The following KIRREL3 variants were observed in gnomAD, a reference collection of about 807,000 sequenced individuals.
KIRREL3 encodes the protein kin of IRRE-like protein 3.
In KIRREL3, 36 loss-of-function variants were observed where a neutral mutation model predicts 89.7. That is an observed-to-expected ratio of 0.40 (90% CI 0.31 to 0.53). KIRREL3 has a LOEUF of 0.53. Ranked by LOEUF, KIRREL3 falls within the 20% of genes least tolerant of loss-of-function variation. The pLI is 0.49. For synonymous variants in KIRREL3, 445 were observed against 441.4 expected (o/e 1.01, Z -0.10); for missense variants, 864 against 1,056.6 (o/e 0.82, Z 2.53).
chr11:126,550,975 C>G lies in KIRREL3; in HGVS notation c.133+11860G>C, dbSNP rs368554466. ...TCACAAGTTCAGGCTTCCAGAACTT[C>G]TGGCAGACCCGCTGCAAGTTGGGGG... On this transcript the variant is annotated intron_variant, in intron 2 of 16. Coordinates refer to ENST00000525144, the MANE Select transcript of KIRREL3 (RefSeq NM_032531.4). The surrounding 1 kb of genome is among the most constrained non-coding windows in gnomAD (Gnocchi z 4.9). Among the ~76,000 whole-genome samples the G allele has an allele frequency of 5.9e-5, 9 of 152,344 alleles. No homozygotes were observed. The East Asian group carries it at 9.6e-4, about 16-fold the overall frequency.
intron 1 of KIRREL3, among the ~76,000 whole-genome samples, chr11:126,688,670 C>T (rs564604485): frequency 6.6e-6 from 1 of 152,170 alleles, no homozygotes; most frequent in African/African-American, 2.4e-5. Context: ...GGAATTGTTA[C>T]TTGCTTGGAA....
chr11:126,970,379 A>T lies in KIRREL3; in HGVS notation c.55+30076T>A, dbSNP rs899562810. ...CTGCTCTTTATTAAACACTACATTA[A>T]ACACAAATAGGTAGGCATAAGGTTA... is the stretch of plus-strand genomic sequence containing the variant. On this transcript the variant is annotated intron_variant, in intron 1 of 16. Coordinates refer to ENST00000525144, the MANE Select transcript of KIRREL3 (RefSeq NM_032531.4). The surrounding 1 kb of genome is among the most constrained non-coding windows in gnomAD (Gnocchi z 4.4). Among the ~76,000 whole-genome samples, 2 of 152,138 alleles carry T rather than the reference A, an allele frequency of 1.3e-5. No homozygotes were observed. The highest frequency in any genetic ancestry group is 4.8e-5 in the African/African-American group (2 of 41,418).
chr11:126,826,934 T>C (rs11220628), intron 1 of KIRREL3, among the ~76,000 whole-genome samples: 131,427 of 152,210 alleles, frequency 0.86, 57,092 homozygotes, highest in East Asian at 1. Context: ...TGCTGCAGTG[T>C]TGAAAATGAG....
chr11:126,553,307 G>A lies in KIRREL3; in HGVS notation c.133+9528C>T, dbSNP rs1332328753. Among the ~76,000 whole-genome samples, 2 of 151,960 alleles carry A rather than the reference G, an allele frequency of 1.3e-5. No homozygotes were observed. Among genetic ancestry groups the A allele is most frequent in the African/African-American group, 2.4e-5 (1 of 41,322 alleles). ...ACTCTGAGCACTTCTATCTTCTACT[G>A]AGTAAGGAAAGCCCACTCCAGAGTC... On this transcript the variant is annotated intron_variant, in intron 2 of 16. Transcript: ENST00000525144. This position sits in a 1 kb window ranked among gnomAD's most constrained non-coding sequence, Gnocchi z 4.7.
chr11:126,669,810 G>C lies in KIRREL3; in HGVS notation c.56-106898C>G, dbSNP rs984501218. ...GTCTTGACCTATCCCTTGGGCTAAA[G>C]ATTTGTAGAGTCAACTGTCTTCCTA... On this transcript the variant is annotated intron_variant, in intron 1 of 16. Transcript: ENST00000525144. The surrounding 1 kb of genome is among the most constrained non-coding windows in gnomAD (Gnocchi z 5.0). 2.0e-5 allele frequency among the ~76,000 whole-genome samples: 3 copies of C among 152,170 alleles called. No individual in the cohort carries two copies. Among genetic ancestry groups the C allele is most frequent in the African/African-American group, 7.2e-5 (3 of 41,432 alleles).
At chr11:126,644,253 C>T (rs1944578971) in intron 1 of KIRREL3, among the ~76,000 whole-genome samples, 1 of 152,094 alleles carries the variant, frequency 6.6e-6, no homozygotes, top group South Asian at 2.1e-4. Flanking sequence ...CTGAGTGTTA[C>T]TAATAGTAGA....
Position 126,526,471 on chromosome 11 carries a change from G to T in KIRREL3, c.283+67C>A. The stretch of plus-strand genomic sequence containing the variant: ...ACCTGTGAAGATGGGTGCTCCCTAG[G>T]AAGGTGGATGGGTGAGTAAGGAAGT... On this transcript the variant is annotated intron_variant, in intron 3 of 16. Coordinates refer to ENST00000525144, the MANE Select transcript of KIRREL3 (RefSeq NM_032531.4). The surrounding 1 kb of genome is among the most constrained non-coding windows in gnomAD (Gnocchi z 5.7). 6.7e-7 allele frequency: 1 copy of T among 1,490,160 alleles called. No homozygotes were observed. The highest frequency in any genetic ancestry group is 1.2e-5 in the South Asian group (1 of 81,494). 92.3% of individuals were successfully genotyped at this position (1,490,160 alleles called of 1,614,324 possible).
chr11:126,456,987 G>A (rs918359057), intron 6 of KIRREL3, among the ~76,000 whole-genome samples: 7 of 152,156 alleles, frequency 4.6e-5, no homozygotes, highest in African/African-American at 1.7e-4. Context: ...GCCGGGGCTC[G>A]CTTCCTCATT....
At chr11:126,910,649 C>A (rs542210653) in intron 1 of KIRREL3, among the ~76,000 whole-genome samples, 1 of 152,324 alleles carries the variant, frequency 6.6e-6, no homozygotes, top group Non-Finnish European at 1.5e-5. Flanking sequence ...GGAAATCGGG[C>A]AAGTTTCTCC....
intron 11 of KIRREL3, among the ~76,000 whole-genome samples, chr11:126,439,416 G>A (rs1410436213): frequency 6.6e-6 from 1 of 151,702 alleles, no homozygotes; most frequent in Admixed American, 6.6e-5. Context: ...ATGTTGCCCA[G>A]GCTGGTCTCA....
chr11:126,972,168 TAGAGAGAGAGAGAG>T (rs61426707), intron 1 of KIRREL3, among the ~76,000 whole-genome samples: 9 of 119,842 alleles, frequency 7.5e-5, no homozygotes, highest in African/African-American at 2.6e-4. Context: ...GAGGGTCTGG[TAGAGAGAGAGAGAG>T]AGAGAGAGAG....
rs1262794492 is a variant in KIRREL3, at chr11:126,687,511, T to C, written c.56-124599A>G. On this transcript the variant is annotated intron_variant, in intron 1 of 16. Coordinates refer to ENST00000525144, the MANE Select transcript of KIRREL3 (RefSeq NM_032531.4). This position sits in a 1 kb window ranked among gnomAD's most constrained non-coding sequence, Gnocchi z 4.6. ...CTAGATATTCCCATGGAGCTGCTAG[T>C]TCTGGAAACACTATGGGGGAAATTG... 1.3e-5 allele frequency among the ~76,000 whole-genome samples: 2 copies of C among 152,172 alleles called. No individual in the cohort carries two copies. Among genetic ancestry groups the C allele is most frequent in the African/African-American group, 2.4e-5 (1 of 41,454 alleles).
In KIRREL3 at chr11:126,496,565, T is replaced by C. The variant is rs903726456; in HGVS notation, c.434-23099A>G. Among the ~76,000 whole-genome samples the C allele has an allele frequency of 1.3e-5, 2 of 151,904 alleles. No homozygotes were observed. The highest frequency in any genetic ancestry group is 2.9e-5 in the Non-Finnish European group (2 of 67,992). ...AGTTTGGAGGGAGGGGTGGGTGTGA[T>C]GGAGGCAAAGGGAAGGAAGACCACA... is the stretch of plus-strand genomic sequence containing the variant. On this transcript the variant is annotated intron_variant, in intron 4 of 16. Transcript: ENST00000525144. The surrounding 1 kb of genome is among the most constrained non-coding windows in gnomAD (Gnocchi z 4.9).
chr11:126,447,382 T>C (rs538739645), intron 8 of KIRREL3, among the ~76,000 whole-genome samples: 113 of 152,268 alleles, frequency 7.4e-4, no homozygotes, highest in African/African-American at 2.6e-3. Context: ...TGACCTGGAA[T>C]CGAGTGACTG....
chr11:126,632,772 G>GTATGCAGCAACGATATGAACAAGAGTTCA (rs1944094036), intron 1 of KIRREL3, among the ~76,000 whole-genome samples: 8 of 28,816 alleles, frequency 2.8e-4, no homozygotes, highest in East Asian at 7.9e-4. Context: ...CCAATGCCCA[G>GTATGCAGCAACGATATGAACAAGAGTTCA]GCACTTGGAG....
chr11:126,938,208 T>G (rs1352686784), intron 1 of KIRREL3, among the ~76,000 whole-genome samples: 3 of 152,232 alleles, frequency 2.0e-5, no homozygotes, highest in African/African-American at 7.2e-5. Flanking sequence ...TGAAAAACTC[T>G]GCAACCCATC....
rs1285956962 is a variant in KIRREL3 at position 126,476,518 on chromosome 11, A to T, written c.434-3052T>A. ...GGGCGTGTTGTGGGAGTGCTCAGGC[A>T]CACGCACAGCCACGCACATACATCC... On this transcript the variant is annotated intron_variant, in intron 4 of 16. Transcript: ENST00000525144. The surrounding 1 kb of genome is among the most constrained non-coding windows in gnomAD (Gnocchi z 6.4). 6.6e-6 allele frequency among the ~76,000 whole-genome samples: 1 copy of T among 152,244 alleles called. No individual in the cohort carries two copies. Among genetic ancestry groups the T allele is most frequent in the Non-Finnish European group, 1.5e-5 (1 of 68,048 alleles).
intron 4 of KIRREL3, 128 bp from the exon 5 acceptor site, chr11:126,473,594 C>T (rs1029528438): frequency 1.7e-5 from 13 of 757,426 alleles, no homozygotes; most frequent in East Asian, 8.4e-5. Context: ...ACGCATCGTC[C>T]GCTTGTATCG....
At chr11:126,824,110 C>A (rs900084071) in intron 1 of KIRREL3, among the ~76,000 whole-genome samples, 4 of 152,204 alleles carry the variant, frequency 2.6e-5, no homozygotes, top group African/African-American at 7.2e-5. Flanking sequence ...TTTGTGAACT[C>A]TTTGGTTCAG....
Sources: gnomAD v4.1 joint callset for allele counts (sites outside exome capture counted in the v4.1 genomes callset) on GRCh38, gnomAD v4.1.1 for gene constraint, Gnocchi (gnomAD v3.1) non-coding constraint, MANE v1.5 for transcripts, NCBI Gene and HGNC (gene_info 2026-07-23, HGNC 2026-07-21) for gene names.